Variants in CADPS2 observed in about 807,000 individuals in gnomAD.
The protein encoded by CADPS2 is calcium-dependent secretion activator 2.
CADPS2 carries 93 observed loss-of-function variants against 172.5 expected under a neutral mutation model. The ratio of observed to expected loss-of-function variants is 0.54; its 90% CI spans 0.46 to 0.64. CADPS2 has a LOEUF of 0.64. Ranked by LOEUF, CADPS2 falls within the 30% of genes least tolerant of loss-of-function variation. CADPS2 has a pLI of 0.00. For missense variants in CADPS2, 1,420 were observed against 1,565.9 expected (o/e 0.91, Z 1.57); for synonymous variants, 546 against 555.2 (o/e 0.98, Z 0.23).
chr7:122,485,202 G>T (rs1320737099), intron 11 of CADPS2, among the ~76,000 whole-genome samples: 4 of 152,118 alleles, frequency 2.6e-5, no homozygotes. Context: ...ATGAATGAAA[G>T]AATCCCATCT....
chr7:122,329,199 C>T (rs886389397), intron 28 of CADPS2, among the ~76,000 whole-genome samples: 15 of 152,186 alleles, frequency 9.9e-5, no homozygotes, highest in Non-Finnish European at 1.8e-4. Context: ...TGAACCCCCT[C>T]AGTGGACCTT....
chr7:122,720,482 G>T (rs185074934), intron 2 of CADPS2, among the ~76,000 whole-genome samples: 13 of 148,876 alleles, frequency 8.7e-5, no homozygotes, highest in African/African-American at 3.2e-4. Context: ...ATGTATGTAT[G>T]TATATATGTA....
chr7:122,583,988 A>G (rs539590265), intron 6 of CADPS2, among the ~76,000 whole-genome samples: 2 of 151,590 alleles, frequency 1.3e-5, no homozygotes, highest in South Asian at 2.1e-4. Context: ...AGATTACTCT[A>G]TTGTCTTCCT....
At chr7:122,725,432 A>G (rs1405453911) in intron 2 of CADPS2, among the ~76,000 whole-genome samples, 1 of 151,802 alleles carries the variant, frequency 6.6e-6, no homozygotes, top group African/African-American at 2.4e-5. Flanking sequence ...TAGGGGGTAT[A>G]AGTGTAGTTG....
At chr7:122,515,735 GAAT>G (rs2060311243) in intron 8 of CADPS2, among the ~76,000 whole-genome samples, 1 of 151,946 alleles carries the variant, frequency 6.6e-6, no homozygotes, top group Non-Finnish European at 1.5e-5. Context: ...CCTGCATAAA[GAAT>G]AATAATCAGC....
chr7:122,790,028 G>T (rs71574718), intron 1 of CADPS2, among the ~76,000 whole-genome samples: 29,210 of 126,042 alleles, frequency 0.23, 3,220 homozygotes, highest in Middle Eastern at 0.33. Context: ...AATATTAAGT[G>T]TTTTTTTTTT....
intron 8 of CADPS2, among the ~76,000 whole-genome samples, chr7:122,539,049 A>G (rs1244192119): frequency 6.6e-6 from 1 of 152,130 alleles, no homozygotes; most frequent in Non-Finnish European, 1.5e-5. Flanking sequence ...CACACATACT[A>G]CACATTTTAC....
chr7:122,403,374 T>C (rs947293680), intron 20 of CADPS2, among the ~76,000 whole-genome samples: 2 of 152,154 alleles, frequency 1.3e-5, no homozygotes, highest in African/African-American at 2.4e-5. Context: ...TCAGAAATAA[T>C]TGAGGTTTTC....
chr7:122,728,559 T>G (rs1191901243), intron 2 of CADPS2, among the ~76,000 whole-genome samples: 1 of 151,728 alleles, frequency 6.6e-6, no homozygotes, highest in Non-Finnish European at 1.5e-5. Flanking sequence ...ACCTGAAGAT[T>G]TGTCCTGAAA....
chr7:122,604,269 C>G (rs1012587227), intron 6 of CADPS2, among the ~76,000 whole-genome samples: 1 of 152,090 alleles, frequency 6.6e-6, no homozygotes, highest in African/African-American at 2.4e-5. Context: ...TTGTTATTCA[C>G]TCACAGATTG....
chr7:122,383,219 A>G (rs1267629578), intron 24 of CADPS2, among the ~76,000 whole-genome samples: 1 of 152,060 alleles, frequency 6.6e-6, no homozygotes, highest in African/African-American at 2.4e-5. Flanking sequence ...TCCTAAGTAA[A>G]TTAACACAGG....
At chr7:122,322,262 C>T (rs1194432961) in intron 29 of CADPS2, among the ~76,000 whole-genome samples, 1 of 152,110 alleles carries the variant, frequency 6.6e-6, no homozygotes, top group Non-Finnish European at 1.5e-5. Context: ...AATGACTTTC[C>T]TTTGACTTAG....
chr7:122,399,356 A>G (rs10241928), intron 20 of CADPS2, among the ~76,000 whole-genome samples: 54,137 of 151,990 alleles, frequency 0.36, 9,852 homozygotes, highest in African/African-American at 0.44. Flanking sequence ...ATTTGCAAGG[A>G]GCCTAGGATT....
At position 122,581,306 on chromosome 7, in the gene CADPS2, A is replaced by G; in HGVS notation, c.1224-16T>C. The stretch of plus-strand genomic sequence containing the variant: ...AGTCCCCCATCTGTAATGAAGTAAA[A>G]AAAATGTTTCTTAAAATGCAGCATT... On this transcript the variant is annotated splice_polypyrimidine_tract_variant and intron_variant, in intron 6 of 29. Coordinates refer to ENST00000449022, the MANE Select transcript of CADPS2 (RefSeq NM_017954.11). 1 of 1,596,866 alleles carries G rather than the reference A, an allele frequency of 6.3e-7. No individual in the cohort carries two copies. Among genetic ancestry groups the G allele is most frequent in the Non-Finnish European group, 8.6e-7 (1 of 1,165,280 alleles).
chr7:122,720,111 T>C (rs2090182567), intron 2 of CADPS2, among the ~76,000 whole-genome samples: 1 of 152,032 alleles, frequency 6.6e-6, no homozygotes, highest in African/African-American at 2.4e-5. Flanking sequence ...ACTTGAAAGG[T>C]GACTGAGTAG....
intron 15 of CADPS2, 42 bp downstream of exon 15, chr7:122,451,327 GAGTAA>G (rs1386778850): frequency 9.9e-7 from 1 of 1,005,620 alleles, no homozygotes; most frequent in African/African-American, 1.7e-5. Flanking sequence ...AGTAAGGGTT[GAGTAA>G]AGTATGAAAA....
intron 1 of CADPS2, among the ~76,000 whole-genome samples, chr7:122,851,109 T>A (rs1386053450): frequency 6.6e-6 from 1 of 152,252 alleles, no homozygotes; most frequent in African/African-American, 2.4e-5. Context: ...TCATTTGGGT[T>A]GCCAAGAAGC....
chr7:122,661,221 G>C (rs1426787082), intron 3 of CADPS2, among the ~76,000 whole-genome samples: 1 of 152,136 alleles, frequency 6.6e-6, no homozygotes, highest in African/African-American at 2.4e-5. Context: ...TGATAGAACT[G>C]AAAGGACAAA....
At chr7:122,448,917 T>A (rs1239145603) in intron 15 of CADPS2, among the ~76,000 whole-genome samples, 2 of 151,760 alleles carry the variant, frequency 1.3e-5, no homozygotes, top group Non-Finnish European at 2.9e-5. Flanking sequence ...ACGGCTAAGG[T>A]GTGAGATAAA....
Sources: gnomAD v4.1 joint callset for allele counts (sites outside exome capture counted in the v4.1 genomes callset) on GRCh38, gnomAD v4.1.1 for gene constraint, MANE v1.5 for transcripts, NCBI Gene and HGNC (gene_info 2026-07-23, HGNC 2026-07-21) for gene names.